ZNF250: variants seen among roughly 807,000 people sequenced by gnomAD.
ZNF250 encodes the protein zinc finger protein 250.
A neutral mutation model predicts 37.1 loss-of-function variants in ZNF250; 13 were observed. That is an observed-to-expected ratio of 0.35 (90% confidence interval 0.23 to 0.56). ZNF250 has a LOEUF of 0.56. Among genes scored for constraint, ZNF250 ranks in the 20% least tolerant of loss-of-function variants. The pLI, the probability that ZNF250 is intolerant of heterozygous loss-of-function variation, is 0.87. For synonymous variants in ZNF250, 251 were observed against 265.6 expected (o/e 0.94, Z 0.54); for missense variants, 474 against 697.9 (o/e 0.68, Z 3.61).
At position 144,881,072 on chromosome 8, in the gene ZNF250, C is replaced by T. The variant is rs1423301396; in HGVS notation, c.*443G>A. 6.1e-6 allele frequency: 1 copy of T among 163,020 alleles called. No individual in the cohort carries two copies. Among genetic ancestry groups the T allele is most frequent in the Non-Finnish European group, 1.4e-5 (1 of 73,932 alleles). 10.1% of individuals were successfully genotyped at this position (163,020 alleles called of 1,614,324 possible). A position where few individuals can be genotyped will look rare whatever the true frequency, so the allele number is the denominator to read the frequency against. The stretch of plus-strand genomic sequence containing the variant: ...AATACTTTAGTCTTTTAAGAGAATA[C>T]TGAAAATAGTCCGACTTTCAAATTT... On this transcript the variant is annotated 3_prime_UTR_variant, in exon 6 of 6. Transcript: ENST00000417550.
At chr8:144,889,836 C>T in intron 3 of ZNF250, 97 bp downstream of exon 3, 1 of 1,492,744 alleles carries the variant, frequency 6.7e-7, no homozygotes, top group Non-Finnish European at 8.9e-7. Context: ...TGAGAGCAAA[C>T]CTCCAGGACC....
chr8:144,892,129 A>G (rs1039023586), intron 1 of ZNF250, among the ~76,000 whole-genome samples: 2 of 152,350 alleles, frequency 1.3e-5, no homozygotes, highest in Middle Eastern at 3.4e-3. Context: ...TTGGAGAGAG[A>G]CTGACTTTCA....
rs1831919196 is a variant in ZNF250 at position 144,886,884 on chromosome 8, T to C, written c.302A>G (p.His101Arg). 1 of 1,613,642 alleles carries C rather than the reference T, an allele frequency of 6.2e-7. No individual in the cohort carries two copies. The highest frequency in any genetic ancestry group is 2.2e-5 in the East Asian group (1 of 44,858). ...GTCTTGTTGTGTACAGGCTGTAGTG[T>C]GGTCATATTTGAGGTTGTCTGGAAA... is the stretch of plus-strand genomic sequence containing the variant. ...SDYSDNLKYDHTTACTQQDSL... is the reference protein window; with the variant it reads ...SDYSDNLKYDRTTACTQQDSL... Residue 101 changes from histidine (H) to arginine (R), a missense_variant, in exon 5 of 6, where the codon CAC becomes CGC. Physicochemically the swap from His to Arg is conservative, Grantham distance 29 (BLOSUM62 0). Coordinates refer to ENST00000417550, the MANE Select transcript of ZNF250 (RefSeq NM_001109689.4).
Position 144,897,737 on chromosome 8 carries a change from T to C in ZNF250, c.-55+3662A>G. 6.6e-6 allele frequency among the ~76,000 whole-genome samples: 1 copy of C among 152,200 alleles called. No homozygotes were observed. The highest frequency in any genetic ancestry group is 1.9e-4 in the East Asian group (1 of 5,192). On this transcript the variant is annotated intron_variant, in intron 1 of 5. Coordinates refer to ENST00000417550, the MANE Select transcript of ZNF250 (RefSeq NM_001109689.4). This position sits in a 1 kb window ranked among gnomAD's most constrained non-coding sequence, Gnocchi z 5.2. ...TATTTATTAACAGCAAGCCAGTCAT[T>C]AGCATTGTTTCTATAGATATTAATT...
chr8:144,883,795 G>A (rs1418240410), intron 5 of ZNF250, among the ~76,000 whole-genome samples: 1 of 152,176 alleles, frequency 6.6e-6, no homozygotes, highest in Non-Finnish European at 1.5e-5. Context: ...GGGAAAGGCA[G>A]GGGTGGAGAC....
At position 144,897,979 on chromosome 8, in the gene ZNF250, G is replaced by A. The variant is rs1426671401; in HGVS notation, c.-55+3420C>T. Among the ~76,000 whole-genome samples the A allele has an allele frequency of 6.6e-6, 1 of 152,136 alleles. No homozygotes were observed. Among genetic ancestry groups the A allele is most frequent in the East Asian group, 1.9e-4 (1 of 5,196 alleles). On this transcript the variant is annotated intron_variant, in intron 1 of 5. Coordinates refer to ENST00000417550, the MANE Select transcript of ZNF250 (RefSeq NM_001109689.4). This position sits in a 1 kb window ranked among gnomAD's most constrained non-coding sequence, Gnocchi z 5.2. ...CCCACAACCACAACCTTCCAGCGTG[G>A]GCATTATGGCCATCATGAACATTTC...
chr8:144,882,882 T>C lies in ZNF250; in HGVS notation c.347-46A>G. 1 of 1,559,118 alleles carries C rather than the reference T, an allele frequency of 6.4e-7. No individual in the cohort carries two copies. The highest frequency in any genetic ancestry group is 1.9e-5 in the Admixed American group (1 of 52,492). On this transcript the variant is annotated intron_variant, in intron 5 of 5. Coordinates refer to ENST00000417550, the MANE Select transcript of ZNF250 (RefSeq NM_001109689.4). This position sits in a 1 kb window ranked among gnomAD's most constrained non-coding sequence, Gnocchi z 5.5. ...TGAAAATGTTAACACTACTCAAAAC[T>C]GAAGAGCTAGTGCAACCCTGAAACT...
Position 144,879,278 on chromosome 8 carries a change from T to C in ZNF250, c.*2237A>G, listed in dbSNP as rs1400069112. The C allele has an allele frequency of 6.6e-6, 1 of 152,268 alleles. No individual in the cohort carries two copies. Among genetic ancestry groups the C allele is most frequent in the Non-Finnish European group, 1.5e-5 (1 of 68,050 alleles). 9.4% of individuals were successfully genotyped at this position (152,268 alleles called of 1,614,324 possible). On this transcript the variant is annotated 3_prime_UTR_variant, in exon 6 of 6. Transcript: ENST00000417550. ...GCTCTGAAGTAAAACACCAGTGATG[T>C]CAGCTCCTTTCTCAAGTTAACCAAT...
At position 144,882,754 on chromosome 8, in the gene ZNF250, T is replaced by C; in HGVS notation, c.429A>G (p.Lys143=). ...CTTGATCAATCCTCCCCAAGGGTGTTTTCCCCAGAATCACTGTTTGCTCTG... is the reference window on the plus strand; with the variant it reads ...CTTGATCAATCCTCCCCAAGGGTGTCTTCCCCAGAATCACTGTTTGCTCTG... ...LISEQTVILG[K]TPLGRIDQEN... is the part of the protein sequence containing the mutation. Residue 143 remains lysine, a synonymous_variant, in exon 6 of 6, where the codon AAA becomes AAG. Transcript: ENST00000417550. The surrounding 1 kb of genome is among the most constrained non-coding windows in gnomAD (Gnocchi z 5.5). 6.2e-7 allele frequency: 1 copy of C among 1,614,012 alleles called. No individual in the cohort carries two copies. The highest frequency in any genetic ancestry group is 8.5e-7 in the Non-Finnish European group (1 of 1,179,890).
At position 144,897,695 on chromosome 8, in the gene ZNF250, A is replaced by G. The variant is rs1237898628; in HGVS notation, c.-55+3704T>C. 6.6e-6 allele frequency among the ~76,000 whole-genome samples: 1 copy of G among 152,242 alleles called. No individual in the cohort carries two copies. Among genetic ancestry groups the G allele is most frequent in the Non-Finnish European group, 1.5e-5 (1 of 68,038 alleles). On this transcript the variant is annotated intron_variant, in intron 1 of 5. Transcript: ENST00000417550. This position sits in a 1 kb window ranked among gnomAD's most constrained non-coding sequence, Gnocchi z 5.2. ...CAGCCTTCAGAGCTGAGAGCCCTGA[A>G]CAGAGATTTACCCACGTATTTATTA...
rs1016976664 is a variant in ZNF250, at chr8:144,890,890, C to T, written c.-54-487G>A. 1.3e-5 allele frequency among the ~76,000 whole-genome samples: 2 copies of T among 152,180 alleles called. No homozygotes were observed. The highest frequency in any genetic ancestry group is 4.8e-5 in the African/African-American group (2 of 41,438). ...TGACAATAAGACTCCCCTCACCCCA[C>T]CCTTAGGCAGCCCTAGTGCCCCAAT... On this transcript the variant is annotated intron_variant, in intron 1 of 5. Transcript: ENST00000417550. The surrounding 1 kb of genome is among the most constrained non-coding windows in gnomAD (Gnocchi z 5.1).
rs199975706 is a variant in ZNF250 at position 144,897,602 on chromosome 8, G to T, written c.-55+3797C>A. On this transcript the variant is annotated intron_variant, in intron 1 of 5. Coordinates refer to ENST00000417550, the MANE Select transcript of ZNF250 (RefSeq NM_001109689.4). This position sits in a 1 kb window ranked among gnomAD's most constrained non-coding sequence, Gnocchi z 5.2. ...TCGGTCGGGGAGACCCTAACCCAGC[G>T]GCGCTAGAGGAATTAAAGACACACA... is the stretch of plus-strand genomic sequence containing the variant. Among the ~76,000 whole-genome samples, 13 of 152,244 alleles carry T rather than the reference G, an allele frequency of 8.5e-5. No individual in the cohort carries two copies. Among genetic ancestry groups the T allele is most frequent in the African/African-American group, 3.1e-4 (13 of 41,546 alleles).
rs1831540155 is a variant in ZNF250 at position 144,882,292 on chromosome 8, C to T, written c.891G>A (p.Gln297=). 3.1e-6 allele frequency: 5 copies of T among 1,613,572 alleles called. No individual in the cohort carries two copies. Among genetic ancestry groups the T allele is most frequent in the Non-Finnish European group, 4.2e-6 (5 of 1,179,824 alleles). The change falls in exon 6 of 6, where the codon CAG becomes CAA. Residue 297 remains glutamine (Q), a synonymous_variant. Coordinates refer to ENST00000417550, the MANE Select transcript of ZNF250 (RefSeq NM_001109689.4). The surrounding 1 kb of genome is among the most constrained non-coding windows in gnomAD (Gnocchi z 5.5). ...FTQLSHLIQH[Q]RIHTGERPYV... is the part of the protein sequence containing the mutation. ...ATGGCCTTTCTCCCGTGTGGATCCG[C>T]TGGTGCTGAATGAGATGTGAGAGTT...
rs767737723 is a variant in ZNF250 at position 144,889,993 on chromosome 8, C to G, written c.109G>C (p.Ala37Pro). 1.2e-6 allele frequency: 2 copies of G among 1,613,522 alleles called. No homozygotes were observed. Among genetic ancestry groups the G allele is most frequent in the Non-Finnish European group, 1.7e-6 (2 of 1,179,624 alleles). The change falls in exon 3 of 6, where the codon GCT becomes CCT. Residue 37 changes from alanine (A) to proline (P), a missense_variant. Around this residue, in one of 2 missense-constraint regions of ZNF250, gnomAD observed 192 missense variants for 227.5 expected, o/e 0.84. Transcript: ENST00000417550. Reference protein sequence around the residue: ...SQDEWDRLCPAQRGLYRNVMM... With the variant: ...SQDEWDRLCPPQRGLYRNVMM... ...ACATTTCTGTAGAGACCCCTCTGAG[C>G]AGGGCACAGGCGGTCCCATTCATCC...
In ZNF250 at chr8:144,889,506, T is replaced by C. The variant is rs1180646589; in HGVS notation, c.283+75A>G. On this transcript the variant is annotated intron_variant, in intron 4 of 5. Transcript: ENST00000417550. Reference sequence around the variant, plus strand: ...GAAGCCACTCCAGTGAGCGGCACAGTATGAACTAGGTCCACAGCTTTGCTC... The same window carrying C: ...GAAGCCACTCCAGTGAGCGGCACAGCATGAACTAGGTCCACAGCTTTGCTC... 7.4e-6 allele frequency: 9 copies of C among 1,224,440 alleles called. No individual in the cohort carries two copies. In the Admixed American group the frequency reaches 1.8e-4, roughly 24 times the overall value. 75.8% of individuals were successfully genotyped at this position (1,224,440 alleles called of 1,614,324 possible). A position where few individuals can be genotyped will look rare whatever the true frequency, so the allele number is the denominator to read the frequency against.
chr8:144,896,320 C>T (rs578176463), intron 1 of ZNF250, among the ~76,000 whole-genome samples: 1 of 151,964 alleles, frequency 6.6e-6, no homozygotes, highest in East Asian at 1.9e-4. Context: ...ACACTCCACC[C>T]TGGGCAACAG....
chr8:144,893,217 G>T (rs1832474290), intron 1 of ZNF250, among the ~76,000 whole-genome samples: 1 of 152,158 alleles, frequency 6.6e-6, no homozygotes, highest in Non-Finnish European at 1.5e-5. Flanking sequence ...ATTAACAGTG[G>T]CCTCATGTGC....
upstream of ZNF250, chr8:144,901,661 G>A (rs996759333): frequency 2.6e-5 from 4 of 152,280 alleles, no homozygotes; most frequent in Admixed American, 6.5e-5. The surrounding 1 kb of genome is among the most constrained non-coding windows in gnomAD (Gnocchi z 5.4). Flanking sequence ...GATCCCTAGA[G>A]GGGCCGAACA....
At position 144,881,391 on chromosome 8, in the gene ZNF250, T is replaced by G. The variant is rs932623622; in HGVS notation, c.*124A>C. 7.2e-7 allele frequency: 1 copy of G among 1,387,540 alleles called. No homozygotes were observed. The highest frequency in any genetic ancestry group is 9.5e-7 in the Non-Finnish European group (1 of 1,051,242). 86.0% of individuals were successfully genotyped at this position (1,387,540 alleles called of 1,614,324 possible). On this transcript the variant is annotated 3_prime_UTR_variant, in exon 6 of 6. Coordinates refer to ENST00000417550, the MANE Select transcript of ZNF250 (RefSeq NM_001109689.4). The stretch of plus-strand genomic sequence containing the variant: ...CTAAGTGCTTCTTTCTGGAGTTATT[T>G]TGTGACACTGAATCGCCAAAGAAAA...
Sources: gnomAD v4.1 joint callset for allele counts (sites outside exome capture counted in the v4.1 genomes callset) on GRCh38, gnomAD v4.1.1 for gene constraint, gnomAD v4.1.1 regional missense constraint, Gnocchi (gnomAD v3.1) non-coding constraint, MANE v1.5 for transcripts, NCBI Gene and HGNC (gene_info 2026-07-23, HGNC 2026-07-21) for gene names.